The following FAM86B1 variants were observed in gnomAD, a reference collection of about 807,000 sequenced individuals.
FAM86B1 encodes putative protein N-methyltransferase FAM86B1.
For synonymous variants in FAM86B1, 4 were observed against 137.6 expected, an observed-to-expected ratio of 0.03 and a Z score of 6.79; for missense variants, 13 against 328.1, an observed-to-expected ratio of 0.04 and a Z score of 7.42.
At chr8:12,183,999 C>G (rs1418076354) in intron 6 of FAM86B1, among the ~76,000 whole-genome samples, 205 of 42,998 alleles carry the variant, frequency 4.8e-3, no homozygotes, top group Admixed American at 6.4e-3. Context: ...GAACCCACAT[C>G]TCCCTGGCTG....
At chr8:12,192,756 G>A (rs1346917453) in intron 1 of FAM86B1, among the ~76,000 whole-genome samples, 4 of 147,494 alleles carry the variant, frequency 2.7e-5, no homozygotes, top group Admixed American at 6.7e-5. Context: ...CCTGGCTCAC[G>A]GAAGGCATTT....
At position 12,182,775 on chromosome 8, in the gene FAM86B1, T is replaced by G; in HGVS notation, c.*831A>C. On this transcript the variant is annotated 3_prime_UTR_variant, in exon 7 of 7. Coordinates refer to ENST00000448228, the MANE Select transcript of FAM86B1 (RefSeq NM_001083537.4). ...CCCTGCTGTCCTTCCCGCAGCTTCT[T>G]GGAGTCTCAGGGCAAAGCCTTTCGA... 6.3e-7 allele frequency: 1 copy of G among 1,584,588 alleles called. No homozygotes were observed. Among genetic ancestry groups the G allele is most frequent in the Non-Finnish European group, 8.5e-7 (1 of 1,171,440 alleles).
At chr8:12,193,214 C>A (rs1194826504) in intron 1 of FAM86B1, among the ~76,000 whole-genome samples, 1 of 145,370 alleles carries the variant, frequency 6.9e-6, no homozygotes, top group African/African-American at 2.8e-5. Flanking sequence ...ACACATTTCT[C>A]CTGACCAGAA....
Position 12,182,652 on chromosome 8 carries a change from A to G in FAM86B1, c.*954T>C. ...AGCCAGTTCTGGAAGAACCTGCAAG[A>G]GTCTCAGCAGCTCTGATGGGATGAG... is the stretch of plus-strand genomic sequence containing the variant. On this transcript the variant is annotated 3_prime_UTR_variant, in exon 7 of 7. Coordinates refer to ENST00000448228, the MANE Select transcript of FAM86B1 (RefSeq NM_001083537.4). 7 of 1,422,502 alleles carry G rather than the reference A, an allele frequency of 4.9e-6. No individual in the cohort carries two copies. Among genetic ancestry groups the G allele is most frequent in the Non-Finnish European group, 6.7e-6 (7 of 1,040,082 alleles). 88.1% of individuals were successfully genotyped at this position (1,422,502 alleles called of 1,614,324 possible).
Position 12,186,257 on chromosome 8 carries a change from C to A in FAM86B1, c.640+95G>T. ...TTCTGGAAGCCCCATCACATCCATG[C>A]CCGACAGTGTCCATTGTTCCCTTTT... On this transcript the variant is annotated intron_variant, in intron 5 of 6. Transcript: ENST00000448228. 2.6e-6 allele frequency: 3 copies of A among 1,166,892 alleles called. 1 individual carries two copies. Among genetic ancestry groups the A allele is most frequent in the Non-Finnish European group, 1.1e-6 (1 of 886,472 alleles). The allele number at this position is 1,166,892 out of a possible 1,614,324, so 72.3% of individuals were successfully genotyped here.
At chr8:12,192,996 C>T (rs1374710957) in intron 1 of FAM86B1, among the ~76,000 whole-genome samples, 1 of 143,534 alleles carries the variant, frequency 7.0e-6, no homozygotes, top group Non-Finnish European at 1.5e-5. Flanking sequence ...AGCAGGCAGG[C>T]TGTCTCCTGG....
At chr8:12,194,330 G>GC (rs1807489044), upstream of FAM86B1, 1 of 588,986 alleles carries the variant, frequency 1.7e-6, no homozygotes, top group East Asian at 2.7e-5. Context: ...CTGGGGCAGG[G>GC]CCAGGATAGG....
chr8:12,190,912 C>G (rs147110418), intron 2 of FAM86B1, among the ~76,000 whole-genome samples: 10,429 of 82,166 alleles, frequency 0.13, 17 homozygotes, highest in African/African-American at 0.21. Context: ...AAGCAGCTCT[C>G]CCTACATCTC....
At chr8:12,186,092 G>A in intron 5 of FAM86B1, 1 of 310,788 alleles carries the variant, frequency 3.2e-6, no homozygotes, top group Non-Finnish European at 5.5e-6. Context: ...GAAGGACACA[G>A]GGCATGGCTC....
intron 1 of FAM86B1, among the ~76,000 whole-genome samples, chr8:12,193,166 A>G (rs1239143738): frequency 6.9e-6 from 1 of 144,258 alleles, no homozygotes; most frequent in African/African-American, 2.9e-5. Context: ...GAGACCTATG[A>G]TGCTTTTATG....
intron 3 of FAM86B1, among the ~76,000 whole-genome samples, chr8:12,187,396 G>A (rs1408560044): frequency 9.1e-4 from 3 of 3,290 alleles, no homozygotes; most frequent in African/African-American, 1.4e-3. Context: ...ATTCACTCTC[G>A]TTGCCGAGGC....
At chr8:12,194,289 A>T (rs1807483697), upstream of FAM86B1, among the ~76,000 whole-genome samples, 1 of 147,862 alleles carries the variant, frequency 6.8e-6, no homozygotes, top group Non-Finnish European at 1.5e-5. Context: ...ACATCGGGGC[A>T]GGTCCTGGGT....
chr8:12,184,162 C>T (rs1396385103), intron 6 of FAM86B1, among the ~76,000 whole-genome samples: 1 of 30,776 alleles, frequency 3.2e-5, no homozygotes, highest in Non-Finnish European at 5.2e-5. Context: ...TTTTTTTTCA[C>T]GTAAGTATCT....
At chr8:12,193,289 T>C (rs1807241959) in intron 1 of FAM86B1, among the ~76,000 whole-genome samples, 1 of 145,776 alleles carries the variant, frequency 6.9e-6, no homozygotes, top group Non-Finnish European at 1.5e-5. Flanking sequence ...CAACACCCCA[T>C]AAAATGGGGC....
rs754506900 is a variant in FAM86B1 at position 12,186,836 on chromosome 8, GCAC to G, written c.241-6_241-4del. ...AGTGTGACTGAGCCTCCTGAGGACT[GCAC>G]CAAGAGAGGGCGAGAGAGTCAGTCC... On this transcript the variant is annotated splice_polypyrimidine_tract_variant and splice_region_variant and intron_variant, in intron 3 of 6. Coordinates refer to ENST00000448228, the MANE Select transcript of FAM86B1 (RefSeq NM_001083537.4). 0.04 allele frequency: 25,915 copies of G among 645,912 alleles called. 44 individuals carry two copies. Among genetic ancestry groups the G allele is most frequent in the Non-Finnish European group, 0.047 (19,247 of 405,842 alleles). The allele number at this position is 645,912 out of a possible 1,614,324, so 40.0% of individuals were successfully genotyped here. A position where few individuals can be genotyped will look rare whatever the true frequency, so the allele number is the denominator to read the frequency against.
At position 12,183,637 on chromosome 8, in the gene FAM86B1, AAGTGCTCTCCATAGGGAAAC is replaced by A. The variant is rs2150684834; in HGVS notation, c.840_859del (p.Phe281GlyfsTer63). On this transcript the variant is annotated frameshift_variant, in exon 7 of 7. Transcript: ENST00000448228. LOFTEE classifies it high-confidence loss of function. ...TGTGAGGTTCAGCATTGCCATCTCC[AAGTGCTCTCCATAGGGAAAC>A]AGTTTCTGGTCATGATGAGCTTCCG... 1 of 814,588 alleles carries A rather than the reference AAGTGCTCTCCATAGGGAAAC, an allele frequency of 1.2e-6. No homozygotes were observed. The highest frequency in any genetic ancestry group is 2.8e-5 in the East Asian group (1 of 36,120). The allele number at this position is 814,588 out of a possible 1,614,324, so 50.5% of individuals were successfully genotyped here. A position where few individuals can be genotyped will look rare whatever the true frequency, so the allele number is the denominator to read the frequency against.
At chr8:12,194,631 C>T (rs1280725104), upstream of FAM86B1, 1 of 166,648 alleles carries the variant, frequency 6.0e-6, no homozygotes, top group Non-Finnish European at 1.2e-5. Context: ...TAGGACGGGC[C>T]CACTTGGGGA....
upstream of FAM86B1, chr8:12,194,682 G>C (rs1807534189): frequency 7.1e-5 from 12 of 169,040 alleles, no homozygotes; most frequent in South Asian, 1.2e-3. Flanking sequence ...TCCGGGCTGG[G>C]CTGCGCTCAG....
intron 3 of FAM86B1, among the ~76,000 whole-genome samples, chr8:12,187,308 T>C (rs1806053629): frequency 7.4e-5 from 1 of 13,444 alleles, no homozygotes; most frequent in African/African-American, 1.4e-4. Context: ...TTCTCCTGCC[T>C]CACCTGCCCA....
Sources: gnomAD v4.1 joint callset for allele counts (sites outside exome capture counted in the v4.1 genomes callset) on GRCh38, gnomAD v4.1.1 for gene constraint, MANE v1.5 for transcripts, NCBI Gene and HGNC (gene_info 2026-07-23, HGNC 2026-07-21) for gene names.